The following R3HDM1 variants were observed in gnomAD, a reference collection of about 807,000 sequenced individuals.
R3HDM1 encodes the protein R3H domain-containing protein 1.
R3HDM1 carries 46 observed loss-of-function variants against 141.1 expected under a neutral mutation model. The observed-to-expected ratio is 0.33, with a 90% CI of 0.26 to 0.42. The LOEUF is 0.42. Among genes scored for constraint, R3HDM1 ranks in the 10% least tolerant of loss-of-function variants. The probability of loss-of-function intolerance (pLI) is 1.00; values close to 1 mark genes in which losing one functional copy is unlikely to be tolerated. For synonymous variants in R3HDM1, 435 were observed against 472.9 expected, an observed-to-expected ratio of 0.92 and a Z score of 1.04; for missense variants, 1,184 against 1,368.3, an observed-to-expected ratio of 0.87 and a Z score of 2.12.
In R3HDM1 at chr2:135,616,115, G is replaced by A. The variant is rs935281122; in HGVS notation, c.172-37G>A. The A allele has an allele frequency of 3.1e-6, 5 of 1,592,248 alleles. No individual in the cohort carries two copies. In the African/African-American group the frequency reaches 5.4e-5, roughly 17 times the overall value. ...ATTAAGAAGCAAATTTTCTGTTTCAGTATGAAATTTAATACAAATCTTTCT... is the reference window on the plus strand; with the variant it reads ...ATTAAGAAGCAAATTTTCTGTTTCAATATGAAATTTAATACAAATCTTTCT... On this transcript the variant is annotated intron_variant, in intron 3 of 26. Transcript: ENST00000683871.
intron 21 of R3HDM1, among the ~76,000 whole-genome samples, chr2:135,699,057 A>ATAGAT (rs1559466800): frequency 7.3e-6 from 1 of 136,370 alleles, no homozygotes; most frequent in Non-Finnish European, 1.6e-5. Flanking sequence ...GATAGATAAG[A>ATAGAT]TAGATTGATT....
intron 1 of R3HDM1, among the ~76,000 whole-genome samples, chr2:135,600,903 G>A (rs2059573436): frequency 1.3e-5 from 2 of 152,140 alleles, no homozygotes; most frequent in African/African-American, 2.4e-5. Flanking sequence ...GATCCTAAGA[G>A]GATCTTCTAA....
rs762699739 is a variant in R3HDM1, at chr2:135,622,757, C to T, written c.497+25C>T. On this transcript the variant is annotated intron_variant, in intron 7 of 26. Coordinates refer to ENST00000683871, the MANE Select transcript of R3HDM1 (RefSeq NM_001378107.1). The stretch of plus-strand genomic sequence containing the variant: ...GGTAAAAATTAAATTTATAAGGTTT[C>T]CATTGCTTCTAGAGTACCATAATTT... 2.0e-6 allele frequency: 3 copies of T among 1,538,078 alleles called. 1 individual carries two copies. In the South Asian group the frequency reaches 3.6e-5, roughly 18 times the overall value.
At chr2:135,684,239 C>T (rs544881330) in intron 21 of R3HDM1, among the ~76,000 whole-genome samples, 6 of 152,130 alleles carry the variant, frequency 3.9e-5, no homozygotes, top group African/African-American at 7.2e-5. Flanking sequence ...TATAGGCGCC[C>T]GCCACTACGC....
intron 18 of R3HDM1, chr2:135,656,652 T>A (rs2065931993): frequency 6.6e-6 from 1 of 152,158 alleles, no homozygotes; most frequent in Non-Finnish European, 1.5e-5. Flanking sequence ...CTACTTCAAG[T>A]TAATATTGAA....
intron 1 of R3HDM1, chr2:135,536,693 T>C (rs1696203378): frequency 3.1e-6 from 3 of 978,102 alleles, no homozygotes; most frequent in African/African-American, 1.8e-5. Context: ...TAAATTACTT[T>C]TGTGGGTTAG....
intron 21 of R3HDM1, among the ~76,000 whole-genome samples, chr2:135,683,143 G>A (rs2105360355): frequency 6.6e-6 from 1 of 152,354 alleles, no homozygotes; most frequent in South Asian, 2.1e-4. Context: ...CAAGTATAGA[G>A]TACCAATGTG....
chr2:135,654,295 GCACACACA>G (rs968621633), intron 18 of R3HDM1, among the ~76,000 whole-genome samples: 1 of 151,284 alleles, frequency 6.6e-6, no homozygotes, highest in Admixed American at 6.6e-5. Flanking sequence ...CGTAGCATAG[GCACACACA>G]CACACAAACA....
chr2:135,715,310 T>A (rs894535339), intron 23 of R3HDM1, among the ~76,000 whole-genome samples: 1 of 151,922 alleles, frequency 6.6e-6, no homozygotes, highest in Non-Finnish European at 1.5e-5. Flanking sequence ...AGGCAGAGCT[T>A]GCAGTGAGCT....
chr2:135,699,045 A>ATTGATT (rs202144929), intron 21 of R3HDM1, among the ~76,000 whole-genome samples: 1 of 129,826 alleles, frequency 7.7e-6, no homozygotes, highest in East Asian at 2.2e-4. Flanking sequence ...ATAGATAGAT[A>ATTGATT]AGATAGATAA....
chr2:135,685,119 A>G (rs994942247), intron 21 of R3HDM1, among the ~76,000 whole-genome samples: 5 of 152,184 alleles, frequency 3.3e-5, no homozygotes, highest in African/African-American at 1.2e-4. Flanking sequence ...ACTAGTATAA[A>G]ACATCCTGTT....
intron 23 of R3HDM1, among the ~76,000 whole-genome samples, chr2:135,714,925 C>T (rs2076016562): frequency 6.6e-6 from 1 of 152,058 alleles, no homozygotes; most frequent in African/African-American, 2.4e-5. Context: ...AGAGTGAGTT[C>T]GCTGTATGTA....
At chr2:135,664,745 C>A (rs2067242887) in intron 19 of R3HDM1, among the ~76,000 whole-genome samples, 1 of 152,168 alleles carries the variant, frequency 6.6e-6, no homozygotes, top group Non-Finnish European at 1.5e-5. Flanking sequence ...CTGAACTGTT[C>A]ATTCAAAACA....
At chr2:135,531,837 A>T in intron 1 of R3HDM1, 1 of 985,372 alleles carries the variant, frequency 1.0e-6, no homozygotes. Context: ...GCCCGCCGTT[A>T]GGTCGGGTTC....
At chr2:135,627,619 A>G (rs1326587084) in intron 7 of R3HDM1, among the ~76,000 whole-genome samples, 1 of 152,134 alleles carries the variant, frequency 6.6e-6, no homozygotes, top group Non-Finnish European at 1.5e-5. Context: ...TATGGATGGT[A>G]CAGATAACTT....
At chr2:135,621,647 G>C (rs752777804) in intron 6 of R3HDM1, 39 bp downstream of exon 6, 1 of 1,487,370 alleles carries the variant, frequency 6.7e-7, no homozygotes, top group Non-Finnish European at 9.0e-7. Flanking sequence ...AAAAAATTTT[G>C]CTATCAGTAA....
chr2:135,622,861 G>GT, intron 7 of R3HDM1, 129 bp downstream of exon 7: 1 of 1,348,146 alleles, frequency 7.4e-7, no homozygotes, highest in Non-Finnish European at 9.5e-7. Flanking sequence ...AAACATTTTA[G>GT]TTTTTTAGGG....
intron 19 of R3HDM1, chr2:135,667,252 A>T: frequency 1.1e-6 from 1 of 950,866 alleles, no homozygotes; most frequent in Non-Finnish European, 1.3e-6. Flanking sequence ...GGAGCCCTCC[A>T]GGGAAGTTCC....
At chr2:135,624,693 A>G (rs1043314872) in intron 7 of R3HDM1, among the ~76,000 whole-genome samples, 1 of 152,238 alleles carries the variant, frequency 6.6e-6, no homozygotes, top group Non-Finnish European at 1.5e-5. Flanking sequence ...TGGATTTTAA[A>G]TAGGGCCATA....
Sources: allele counts gnomAD v4.1 joint callset (sites outside exome capture counted in the v4.1 genomes callset), GRCh38; gene constraint gnomAD v4.1.1; transcripts MANE v1.5; gene names NCBI Gene and HGNC (gene_info 2026-07-23, HGNC 2026-07-21).